NRG1: variants seen among roughly 807,000 people sequenced by gnomAD.
NRG1 encodes neuregulin 1.
In NRG1, 18 loss-of-function variants were observed where a neutral mutation model predicts 63.8. That is an observed-to-expected ratio of 0.28 (90% confidence interval 0.19 to 0.42). The LOEUF (loss-of-function observed/expected upper bound fraction) is 0.42, where lower values mean the gene tolerates loss of function less well. Ranked by LOEUF, NRG1 falls within the 10% of genes least tolerant of loss-of-function variation. NRG1 has a pLI of 1.00. For synonymous variants in NRG1, 302 were observed against 301.3 expected, an observed-to-expected ratio of 1.00 and a Z score of -0.02; for missense variants, 762 against 814.7, an observed-to-expected ratio of 0.94 and a Z score of 0.79.
At chr8:32,243,304 G>GTTC (rs1468913479) in intron 1 of NRG1, among the ~76,000 whole-genome samples, 1 of 151,844 alleles carries the variant, frequency 6.6e-6, no homozygotes, top group Admixed American at 6.6e-5. Context: ...CATGCCTATA[G>GTTC]TTCCAGCTAT....
chr8:31,806,768 T>A (rs1376562857), intron 1 of NRG1, among the ~76,000 whole-genome samples: 1 of 152,196 alleles, frequency 6.6e-6, no homozygotes, highest in African/African-American at 2.4e-5. Context: ...AATAATCAAG[T>A]AAATTAAGTG....
chr8:32,114,137 TAGA>T (rs1225766493), intron 1 of NRG1, among the ~76,000 whole-genome samples: 1 of 152,244 alleles, frequency 6.6e-6, no homozygotes, highest in African/African-American at 2.4e-5. Context: ...TGTTTACACC[TAGA>T]CAGGCCCAGC....
intron 1 of NRG1, among the ~76,000 whole-genome samples, chr8:31,816,969 T>C (rs1244150807): frequency 6.6e-6 from 1 of 152,210 alleles, no homozygotes; most frequent in African/African-American, 2.4e-5. Context: ...TTTTAAAAAT[T>C]TGTCATTGTT....
At chr8:31,670,667 C>T (rs1807039021) in intron 1 of NRG1, among the ~76,000 whole-genome samples, 1 of 151,906 alleles carries the variant, frequency 6.6e-6, no homozygotes, top group South Asian at 2.1e-4. Context: ...GCTCCCATTA[C>T]ATTTTGGCAC....
chr8:32,165,578 T>A (rs1000565986), intron 1 of NRG1, among the ~76,000 whole-genome samples: 1 of 152,136 alleles, frequency 6.6e-6, no homozygotes, highest in Non-Finnish European at 1.5e-5. Flanking sequence ...GAAACAAGAC[T>A]GTTAGAGGGC....
intron 1 of NRG1, among the ~76,000 whole-genome samples, chr8:32,432,899 G>A (rs555477819): frequency 2.6e-5 from 4 of 152,156 alleles, no homozygotes; most frequent in African/African-American, 9.6e-5. Context: ...TTTAAATGGT[G>A]GTCAATTACA....
At chr8:32,417,155 G>A (rs1035804180) in intron 1 of NRG1, among the ~76,000 whole-genome samples, 1 of 152,126 alleles carries the variant, frequency 6.6e-6, no homozygotes, top group Admixed American at 6.5e-5. Flanking sequence ...TACTAGAGAA[G>A]CAACCAGCAC....
chr8:32,728,246 C>G, intron 6 of NRG1, 168 bp downstream of exon 6: 1 of 985,376 alleles, frequency 1.0e-6, no homozygotes, highest in Non-Finnish European at 1.2e-6. Flanking sequence ...CGTCATCACT[C>G]CTCTGTCATA....
At chr8:32,771,715 A>AAAAT (rs1343943621), downstream of NRG1, among the ~76,000 whole-genome samples, 2,617 of 111,782 alleles carry the variant, frequency 0.023, 139 homozygotes, top group African/African-American at 0.086. Flanking sequence ...TTAAAAAAAA[A>AAAAT]ATATATATAT....
intron 5 of NRG1, among the ~76,000 whole-genome samples, chr8:32,702,837 G>A (rs1479599984): frequency 1.3e-5 from 2 of 152,098 alleles, no homozygotes; most frequent in Non-Finnish European, 2.9e-5. Flanking sequence ...GAAGGGAGGA[G>A]TCAAGAAAAT....
At chr8:32,289,176 C>T (rs1236887984) in intron 1 of NRG1, among the ~76,000 whole-genome samples, 1 of 152,114 alleles carries the variant, frequency 6.6e-6, no homozygotes, top group Non-Finnish European at 1.5e-5. Flanking sequence ...AAAAGATATG[C>T]AGAAAGTAAT....
intron 1 of NRG1, among the ~76,000 whole-genome samples, chr8:32,505,725 G>A (rs1457013972): frequency 6.6e-6 from 1 of 152,196 alleles, no homozygotes; most frequent in African/African-American, 2.4e-5. Flanking sequence ...ACAGACTTGT[G>A]GACCTGTGAC....
chr8:32,467,224 T>C (rs1823181717), intron 1 of NRG1, among the ~76,000 whole-genome samples: 1 of 151,930 alleles, frequency 6.6e-6, no homozygotes, highest in Admixed American at 6.6e-5. Context: ...CCTGAAATGG[T>C]TCTGTTTATT....
At chr8:32,551,424 G>T (rs976985845) in intron 1 of NRG1, among the ~76,000 whole-genome samples, 1 of 152,156 alleles carries the variant, frequency 6.6e-6, no homozygotes. Context: ...ATTGCCTCAT[G>T]ACAGTCAGGG....
rs375775358 is a variant in NRG1, at chr8:32,006,480, T to C, written c.37+367049T>C. ...TAGTTGACCCTGAAAGGGTAGGGTA[T>C]TCCTGGCAGACCTAATCTAATCACA... is the stretch of plus-strand genomic sequence containing the variant. On this transcript the variant is annotated intron_variant, in intron 1 of 10. Transcript: ENST00000519301. 2.2e-4 allele frequency among the ~76,000 whole-genome samples: 33 copies of C among 152,164 alleles called. No homozygotes were observed. The South Asian group carries it at 6.8e-3, about 32-fold the overall frequency.
intron 1 of NRG1, among the ~76,000 whole-genome samples, chr8:32,113,627 TAA>T (rs1832327200): frequency 1.3e-5 from 2 of 152,204 alleles, no homozygotes; most frequent in African/African-American, 2.4e-5. Flanking sequence ...GAATCTGATA[TAA>T]GTGTCTACCT....
intron 1 of NRG1, among the ~76,000 whole-genome samples, chr8:31,854,380 A>AT (rs1397847822): frequency 6.6e-6 from 1 of 152,028 alleles, no homozygotes; most frequent in African/African-American, 2.4e-5. Flanking sequence ...TTTCTTCTAG[A>AT]TTTCTAGTTT....
chr8:31,768,939 T>G (rs1818342815), intron 1 of NRG1, among the ~76,000 whole-genome samples: 1 of 152,214 alleles, frequency 6.6e-6, no homozygotes, highest in Non-Finnish European at 1.5e-5. Context: ...CCAGGTTCAG[T>G]GTCTAACCAT....
At chr8:32,304,227 G>C (rs971592226) in intron 1 of NRG1, among the ~76,000 whole-genome samples, 8 of 152,162 alleles carry the variant, frequency 5.3e-5, no homozygotes, top group Non-Finnish European at 1.0e-4. Flanking sequence ...TTTCATCAAA[G>C]TACCAGTGAA....
Sources: allele counts gnomAD v4.1 joint callset (sites outside exome capture counted in the v4.1 genomes callset), GRCh38; gene constraint gnomAD v4.1.1; transcripts MANE v1.5; gene names NCBI Gene and HGNC (gene_info 2026-07-23, HGNC 2026-07-21).